LOXL2: variants seen among roughly 807,000 people sequenced by gnomAD.
LOXL2 encodes lysyl oxidase like 2, also known as lysyl oxidase homolog 2.
Under a neutral mutation model 93.0 loss-of-function variants are expected in LOXL2, and 70 were observed. The ratio of observed to expected loss-of-function variants is 0.75; its 90% CI spans 0.62 to 0.92. LOXL2 has a LOEUF of 0.92. LOXL2 is among the 40% of genes least tolerant of loss of function. The probability of loss-of-function intolerance (pLI) is 0.00; values close to 1 mark genes in which losing one functional copy is unlikely to be tolerated. For missense variants in LOXL2, 973 were observed against 1,054.9 expected, an observed-to-expected ratio of 0.92 and a Z score of 1.08; for synonymous variants, 438 against 413.2, an observed-to-expected ratio of 1.06 and a Z score of -0.73.
intron 3 of LOXL2, among the ~76,000 whole-genome samples, chr8:23,347,415 TGGGA>T (rs1804011054): frequency 6.6e-6 from 1 of 151,958 alleles, no homozygotes; most frequent in East Asian, 1.9e-4. Context: ...CCCAGCACTT[TGGGA>T]GGCCAAGGTG....
rs544986773 is a variant in LOXL2 at position 23,385,133 on chromosome 8, G to A, written c.-83-16699C>T. Among the ~76,000 whole-genome samples the A allele has an allele frequency of 2.8e-3, 414 of 148,568 alleles. 2 individuals are homozygous for A. The highest frequency in any genetic ancestry group is 4.6e-3 in the Non-Finnish European group (303 of 66,078). ...TATGTATTTATTTACCACTCCCTGC[G>A]CCCCCGTCCTGTTCGAACAGGATCA... On this transcript the variant is annotated intron_variant, in intron 1 of 13. Coordinates refer to ENST00000389131, the MANE Select transcript of LOXL2 (RefSeq NM_002318.3).
At chr8:23,345,230 A>T (rs1803950389) in intron 3 of LOXL2, among the ~76,000 whole-genome samples, 2 of 152,160 alleles carry the variant, frequency 1.3e-5, no homozygotes, top group African/African-American at 4.8e-5. Flanking sequence ...CTGACCCCCA[A>T]ACCCGTGCTC....
intron 1 of LOXL2, among the ~76,000 whole-genome samples, chr8:23,372,374 C>T (rs6982715): frequency 0.31 from 47,004 of 151,832 alleles, 7,380 homozygotes; most frequent in East Asian, 0.45. Context: ...TGTACCACCA[C>T]GCCTGGCCAA....
At chr8:23,339,739 G>A (rs1275312354) in intron 4 of LOXL2, among the ~76,000 whole-genome samples, 4 of 152,190 alleles carry the variant, frequency 2.6e-5, no homozygotes, top group Non-Finnish European at 5.9e-5. Flanking sequence ...TTCAGAGGAC[G>A]GCGACTCCTG....
chr8:23,331,342 C>G (rs1032569758), intron 5 of LOXL2: 10 of 152,382 alleles, frequency 6.6e-5, no homozygotes, highest in African/African-American at 2.4e-4. Flanking sequence ...TCTCCCTCCT[C>G]TGGCTCTCTC....
chr8:23,298,505 T>C (rs544731702), intron 13 of LOXL2, among the ~76,000 whole-genome samples: 84 of 152,312 alleles, frequency 5.5e-4, no homozygotes, highest in African/African-American at 1.9e-3. Context: ...CAGAAAAACC[T>C]GATAGGCAGA....
At chr8:23,338,287 CG>C (rs948564127) in intron 4 of LOXL2, among the ~76,000 whole-genome samples, 3 of 147,692 alleles carry the variant, frequency 2.0e-5, no homozygotes, top group Non-Finnish European at 4.4e-5. Flanking sequence ...ACAGCCAAAC[CG>C]TATCACTAGG....
rs574792218 is a variant in LOXL2, at chr8:23,399,475, G to A, written c.-84+4479C>T. On this transcript the variant is annotated intron_variant, in intron 1 of 13. Transcript: ENST00000389131. ...CCATTCACCAATTAATAGATGAATCGGTTATCATGGGAAGGGAATTGGTGG... is the reference window on the plus strand; with the variant it reads ...CCATTCACCAATTAATAGATGAATCAGTTATCATGGGAAGGGAATTGGTGG... 6.6e-5 allele frequency among the ~76,000 whole-genome samples: 10 copies of A among 152,214 alleles called. No individual in the cohort carries two copies. The South Asian group carries it at 1.0e-3, about 16-fold the overall frequency.
Position 23,308,768 on chromosome 8 carries a change from C to T in LOXL2, c.1880+900G>A, listed in dbSNP as rs17089043. Reference sequence around the variant, plus strand: ...TTCTGTCCTTGTCTGGGATTTGCAGCGCTGGGATCAGGTCCACAGACTGAC... The same window carrying T: ...TTCTGTCCTTGTCTGGGATTTGCAGTGCTGGGATCAGGTCCACAGACTGAC... On this transcript the variant is annotated intron_variant, in intron 10 of 13. Transcript: ENST00000389131. Among the ~76,000 whole-genome samples, 1,376 of 152,142 alleles carry T rather than the reference C, an allele frequency of 9.0e-3. 82 individuals are homozygous for T. The East Asian group carries it at 0.16, about 17-fold the overall frequency.
chr8:23,309,630 C>T (rs371233997), intron 10 of LOXL2, 38 bp downstream of exon 10: 9 of 1,384,438 alleles, frequency 6.5e-6, no homozygotes, highest in African/African-American at 6.0e-5. Context: ...GGATGTCCGC[C>T]GGGCAGCTTA....
At chr8:23,303,254 C>T (rs991601623) in intron 11 of LOXL2, 28 bp downstream of exon 11, 5 of 1,439,208 alleles carry the variant, frequency 3.5e-6, no homozygotes, top group Non-Finnish European at 4.9e-6. Context: ...CCTCTGAGGC[C>T]TCCCATCCCC....
chr8:23,341,553 T>G, intron 3 of LOXL2: 1 of 362,218 alleles, frequency 2.8e-6, no homozygotes, highest in Non-Finnish European at 5.2e-6. Flanking sequence ...TCGAAATAAA[T>G]GCACAGGAGA....
chr8:23,317,120 A>G lies in LOXL2; in HGVS notation c.1471-6T>C. ...CCGTGCCAATACCAGGTCTCCTGGAAGAACCAACAAAACAAATGGTGGGTA... is the reference window on the plus strand; with the variant it reads ...CCGTGCCAATACCAGGTCTCCTGGAGGAACCAACAAAACAAATGGTGGGTA... On this transcript the variant is annotated splice_region_variant and splice_polypyrimidine_tract_variant and intron_variant, in intron 8 of 13. Coordinates refer to ENST00000389131, the MANE Select transcript of LOXL2 (RefSeq NM_002318.3). The G allele has an allele frequency of 6.2e-7, 1 of 1,613,838 alleles. No homozygotes were observed. The highest frequency in any genetic ancestry group is 8.5e-7 in the Non-Finnish European group (1 of 1,179,912).
chr8:23,331,176 A>C (rs1803669475), intron 5 of LOXL2, among the ~76,000 whole-genome samples: 1 of 152,030 alleles, frequency 6.6e-6, no homozygotes, highest in Admixed American at 6.5e-5. Flanking sequence ...CTCAACAAAG[A>C]GGGGAGACCG....
At chr8:23,327,258 T>G (rs144446294) in intron 6 of LOXL2, among the ~76,000 whole-genome samples, 19 of 152,326 alleles carry the variant, frequency 1.2e-4, no homozygotes, top group African/African-American at 4.6e-4. Flanking sequence ...GGAGGAAAGC[T>G]CTACGGTCTT....
At chr8:23,307,865 G>A (rs967872196) in intron 10 of LOXL2, among the ~76,000 whole-genome samples, 1 of 135,944 alleles carries the variant, frequency 7.4e-6, no homozygotes, top group African/African-American at 2.7e-5. Context: ...CAGCACCCCT[G>A]AATTCTACCA....
chr8:23,350,401 C>T lies in LOXL2; in HGVS notation c.532-9198G>A, dbSNP rs967991316. Among the ~76,000 whole-genome samples the T allele has an allele frequency of 3.3e-5, 5 of 152,088 alleles. No individual in the cohort carries two copies. In the South Asian group the frequency reaches 6.2e-4, roughly 19 times the overall value. ...TGAGACCAGCCTGGCCAACATGGGGCTCTACTAAAAATACAAAAATTAGCT... is the reference window on the plus strand; with the variant it reads ...TGAGACCAGCCTGGCCAACATGGGGTTCTACTAAAAATACAAAAATTAGCT... On this transcript the variant is annotated intron_variant, in intron 3 of 13. Transcript: ENST00000389131.
At position 23,387,274 on chromosome 8, in the gene LOXL2, T is replaced by A. The variant is rs143872632; in HGVS notation, c.-84+16680A>T. Among the ~76,000 whole-genome samples, 10 of 152,342 alleles carry A rather than the reference T, an allele frequency of 6.6e-5. No homozygotes were observed. In the East Asian group the frequency reaches 1.9e-3, roughly 29 times the overall value. On this transcript the variant is annotated intron_variant, in intron 1 of 13. Transcript: ENST00000389131. ...AACATTCACACAGATGATTCTAGTATAAGCTTTGCCAACAAGAGGCACTGT... is the reference window on the plus strand; with the variant it reads ...AACATTCACACAGATGATTCTAGTAAAAGCTTTGCCAACAAGAGGCACTGT...
At chr8:23,315,794 CCTGT>C (rs371370623) in intron 9 of LOXL2, among the ~76,000 whole-genome samples, 22 of 152,314 alleles carry the variant, frequency 1.4e-4, no homozygotes, top group African/African-American at 5.3e-4. Context: ...TTTGCCAGCA[CCTGT>C]CTATCTTTCA....
Sources: gnomAD v4.1 joint callset for allele counts (sites outside exome capture counted in the v4.1 genomes callset) on GRCh38, gnomAD v4.1.1 for gene constraint, MANE v1.5 for transcripts, NCBI Gene and HGNC (gene_info 2026-07-23, HGNC 2026-07-21) for gene names.